The following ERC2 variants were observed in gnomAD, a reference collection of about 807,000 sequenced individuals.
The protein encoded by ERC2 is ELKS/RAB6-interacting/CAST family member 2.
Under a neutral mutation model 114.8 loss-of-function variants are expected in ERC2, and 42 were observed. That is an observed-to-expected ratio of 0.37 (90% CI 0.29 to 0.47). ERC2 has a LOEUF of 0.47. ERC2 is among the 20% of genes least tolerant of loss of function. The probability of loss-of-function intolerance (pLI) is 0.99; values close to 1 mark genes in which losing one functional copy is unlikely to be tolerated. For missense variants in ERC2, 939 were observed against 1,150.7 expected (o/e 0.82, Z 2.66); for synonymous variants, 454 against 425.5 (o/e 1.07, Z -0.82).
intron 17 of ERC2, among the ~76,000 whole-genome samples, chr3:55,560,800 T>G (rs1408104284): frequency 6.6e-6 from 1 of 152,166 alleles, no homozygotes; most frequent in Non-Finnish European, 1.5e-5. Flanking sequence ...GAAAAATCTG[T>G]CATTTAGCCA....
In ERC2 at chr3:55,829,777, A is replaced by G. The variant is rs113643403; in HGVS notation, c.2564+58612T>C. 3.2e-3 allele frequency among the ~76,000 whole-genome samples: 490 copies of G among 152,318 alleles called. 4 individuals are homozygous for G. Among genetic ancestry groups the G allele is most frequent in the African/African-American group, 0.011 (464 of 41,566 alleles). On this transcript the variant is annotated intron_variant, in intron 14 of 17. Coordinates refer to ENST00000288221, the MANE Select transcript of ERC2 (RefSeq NM_015576.3). ...TGGGCTCAAGTGATCCTCCTGCCTC[A>G]GCCTCCCAAAGTACTGAGATTACAG...
At chr3:56,219,353 G>C (rs1422864967) in intron 3 of ERC2, among the ~76,000 whole-genome samples, 2 of 151,850 alleles carry the variant, frequency 1.3e-5, no homozygotes, top group African/African-American at 4.8e-5. Flanking sequence ...AGAAGACTAA[G>C]AAACTCTGGT....
At chr3:55,694,947 T>A (rs1009606730) in intron 16 of ERC2, among the ~76,000 whole-genome samples, 15 of 152,192 alleles carry the variant, frequency 9.9e-5, no homozygotes, top group Admixed American at 9.2e-4. Context: ...ACCAGGTTAG[T>A]CTATACCTGG....
intron 4 of ERC2, among the ~76,000 whole-genome samples, chr3:56,156,041 T>C (rs1188629544): frequency 6.6e-6 from 1 of 152,122 alleles, no homozygotes; most frequent in Non-Finnish European, 1.5e-5. Context: ...AACAAGATAG[T>C]CTTTGGGCAG....
chr3:55,685,843 A>C (rs1020085293), intron 16 of ERC2, among the ~76,000 whole-genome samples: 10 of 152,248 alleles, frequency 6.6e-5, no homozygotes, highest in African/African-American at 2.2e-4. Context: ...TAGCTATAAA[A>C]TAACTTGCAG....
chr3:56,368,088 T>C (rs2059219154), intron 2 of ERC2, among the ~76,000 whole-genome samples: 1 of 151,242 alleles, frequency 6.6e-6, no homozygotes, highest in East Asian at 1.9e-4. Context: ...GGATCAATCA[T>C]ACTCCAAACC....
At chr3:55,751,184 C>A (rs1256143627) in intron 14 of ERC2, among the ~76,000 whole-genome samples, 3 of 152,176 alleles carry the variant, frequency 2.0e-5, no homozygotes, top group Non-Finnish European at 4.4e-5. Context: ...CACTTCCAAG[C>A]TGGCTGCCTT....
At chr3:56,232,582 T>C (rs1195578986) in intron 3 of ERC2, among the ~76,000 whole-genome samples, 4 of 152,146 alleles carry the variant, frequency 2.6e-5, no homozygotes, top group African/African-American at 9.7e-5. Context: ...GTGCTACAAG[T>C]CACAATCTCA....
intron 4 of ERC2, among the ~76,000 whole-genome samples, chr3:56,169,606 G>C (rs1413914560): frequency 6.6e-6 from 1 of 152,172 alleles, no homozygotes; most frequent in African/African-American, 2.4e-5. Context: ...AATGGGATCT[G>C]CTAATATCTT....
chr3:56,260,126 C>T (rs973661927), intron 3 of ERC2, among the ~76,000 whole-genome samples: 7 of 152,290 alleles, frequency 4.6e-5, no homozygotes, highest in African/African-American at 1.4e-4. Context: ...TCCACCTTTC[C>T]AGCCACACTG....
chr3:56,387,774 T>C (rs2059987167), intron 2 of ERC2, among the ~76,000 whole-genome samples: 1 of 152,158 alleles, frequency 6.6e-6, no homozygotes, highest in African/African-American at 2.4e-5. Flanking sequence ...CCTTGCAAGA[T>C]GCGTATGACC....
intron 14 of ERC2, among the ~76,000 whole-genome samples, chr3:55,790,708 C>T (rs2069937228): frequency 6.6e-6 from 1 of 152,216 alleles, no homozygotes; most frequent in African/African-American, 2.4e-5. Context: ...ATGGCCCATC[C>T]CCTAGCCAGA....
chr3:56,079,841 G>A (rs111610426), intron 7 of ERC2, among the ~76,000 whole-genome samples: 390 of 152,198 alleles, frequency 2.6e-3, no homozygotes, highest in African/African-American at 9.1e-3. Flanking sequence ...ATAGGCTGTA[G>A]GAAACATGAC....
At chr3:55,662,569 C>G (rs2061183456) in intron 17 of ERC2, among the ~76,000 whole-genome samples, 1 of 152,114 alleles carries the variant, frequency 6.6e-6, no homozygotes, top group South Asian at 2.1e-4. Context: ...TAATTGGGGT[C>G]TATTGCTTCT....
intron 17 of ERC2, among the ~76,000 whole-genome samples, chr3:55,586,063 G>A (rs979387166): frequency 4.6e-5 from 7 of 152,164 alleles, no homozygotes; most frequent in South Asian, 2.1e-4. Flanking sequence ...TGGGAGCCCC[G>A]GGGGCTTCCT....
At chr3:56,400,224 T>G (rs1328552596) in intron 2 of ERC2, among the ~76,000 whole-genome samples, 1 of 152,144 alleles carries the variant, frequency 6.6e-6, no homozygotes, top group Non-Finnish European at 1.5e-5. Flanking sequence ...GAAATCTGCT[T>G]CAAAATATTA....
chr3:56,371,506 A>G (rs1369497381), intron 2 of ERC2, among the ~76,000 whole-genome samples: 1 of 152,246 alleles, frequency 6.6e-6, no homozygotes, highest in East Asian at 1.9e-4. Flanking sequence ...GCTCTGAATC[A>G]ATAACCTCTG....
chr3:55,717,588 T>C (rs1047423543), intron 15 of ERC2, among the ~76,000 whole-genome samples: 6 of 152,210 alleles, frequency 3.9e-5, no homozygotes, highest in African/African-American at 1.4e-4. Context: ...GTATGTGGTT[T>C]CTGTTTGGTT....
At chr3:56,146,713 T>A (rs6766369) in intron 5 of ERC2, among the ~76,000 whole-genome samples, 139,046 of 152,222 alleles carry the variant, frequency 0.91, 63,961 homozygotes, top group East Asian at 1. Flanking sequence ...TATAGAAGAA[T>A]GTGTGGTCAA....
Sources: allele counts gnomAD v4.1 joint callset (sites outside exome capture counted in the v4.1 genomes callset), GRCh38; gene constraint gnomAD v4.1.1; transcripts MANE v1.5; gene names NCBI Gene and HGNC (gene_info 2026-07-23, HGNC 2026-07-21).